The following HNRNPUL2 variants were observed in gnomAD, a reference collection of about 807,000 sequenced individuals.
HNRNPUL2 encodes heterogeneous nuclear ribonucleoprotein U-like protein 2.
A neutral mutation model predicts 102.2 loss-of-function variants in HNRNPUL2; 27 were observed. That is an observed-to-expected ratio of 0.26 (90% CI 0.19 to 0.36). The LOEUF is 0.36. HNRNPUL2 is among the 10% of genes least tolerant of loss of function. The pLI, the probability that HNRNPUL2 is intolerant of heterozygous loss-of-function variation, is 1.00. For synonymous variants in HNRNPUL2, 458 were observed against 387.2 expected, an observed-to-expected ratio of 1.18 and a Z score of -2.15; for missense variants, 936 against 981.1, an observed-to-expected ratio of 0.95 and a Z score of 0.61.
At chr11:62,720,986 C>T (rs1208118089) in intron 9 of HNRNPUL2, among the ~76,000 whole-genome samples, 1 of 151,808 alleles carries the variant, frequency 6.6e-6, no homozygotes, top group Admixed American at 6.6e-5. Context: ...TCCTGTTTTG[C>T]TCATCAGGGA....
intron 10 of HNRNPUL2, 66 bp downstream of exon 10, chr11:62,719,957 T>C (rs2083687772): frequency 6.9e-7 from 1 of 1,450,922 alleles, no homozygotes; most frequent in Non-Finnish European, 9.6e-7. Flanking sequence ...TAAACCTCTA[T>C]TACTTACAAA....
intron 4 of HNRNPUL2, 65 bp downstream of exon 4, chr11:62,723,522 C>T (rs2083720126): frequency 1.4e-6 from 2 of 1,456,780 alleles, no homozygotes; most frequent in African/African-American, 1.4e-5. Flanking sequence ...CTTCTTTTCC[C>T]CCTCTAAGAA....
intron 10 of HNRNPUL2, 132 bp downstream of exon 10, chr11:62,719,891 C>T: frequency 1.2e-6 from 1 of 801,780 alleles, no homozygotes; most frequent in Non-Finnish European, 2.0e-6. Flanking sequence ...CAAGAAGGAC[C>T]TCACCAGATG....
In HNRNPUL2 at chr11:62,727,401, G is replaced by A. The variant is rs2083767128; in HGVS notation, c.-245C>T. On this transcript the variant is annotated 5_prime_UTR_variant, in exon 1 of 14. Coordinates refer to ENST00000301785, the MANE Select transcript of HNRNPUL2 (RefSeq NM_001079559.3). The stretch of plus-strand genomic sequence containing the variant: ...GCCCAAAACAACGCAGCAGGGAGCT[G>A]TTTCCCCTCCAGGCCCTTGGTTCCC... 2 of 398,630 alleles carry A rather than the reference G, an allele frequency of 5.0e-6. No homozygotes were observed. The highest frequency in any genetic ancestry group is 2.1e-5 in the African/African-American group (1 of 47,510). The allele number at this position is 398,630 out of a possible 1,614,324, so 24.7% of individuals were successfully genotyped here. A position where few individuals can be genotyped will look rare whatever the true frequency, so the allele number is the denominator to read the frequency against.
rs2083765539 is a variant in HNRNPUL2, at chr11:62,727,325, T to C, written c.-169A>G. On this transcript the variant is annotated 5_prime_UTR_variant, in exon 1 of 14. Coordinates refer to ENST00000301785, the MANE Select transcript of HNRNPUL2 (RefSeq NM_001079559.3). ...GAGCGGAGGCCGCGCACGGTCCCGC[T>C]GCGCAGTGTTTGCTTCTCCTTCGTC... 9.5e-6 allele frequency: 8 copies of C among 846,270 alleles called. No homozygotes were observed. In the Admixed American group the frequency reaches 1.4e-4, roughly 15 times the overall value. The allele number at this position is 846,270 out of a possible 1,614,324, so 52.4% of individuals were successfully genotyped here.
Position 62,721,400 on chromosome 11 carries a change from C to G in HNRNPUL2, c.1506G>C (p.Glu502Asp). ...AAAGGTCTCGGCTTTTGGGGTCCAT[C>G]TCTGGCTCCTCGAGACCCTTCATCT... ...QMRMKGLEEPEMDPKSRDLLV... is the reference protein window; with the variant it reads ...QMRMKGLEEPDMDPKSRDLLV... The change falls in exon 9 of 14, where the codon GAG (glutamate) becomes GAC (aspartate). Residue 502 changes from glutamate to aspartate, a missense_variant. Glu to Asp is a conservative substitution (Grantham distance 45, BLOSUM62 2). Coordinates refer to ENST00000301785, the MANE Select transcript of HNRNPUL2 (RefSeq NM_001079559.3). 6.2e-7 allele frequency: 1 copy of G among 1,602,598 alleles called. No homozygotes were observed. Among genetic ancestry groups the G allele is most frequent in the Non-Finnish European group, 8.5e-7 (1 of 1,176,432 alleles).
intron 4 of HNRNPUL2, among the ~76,000 whole-genome samples, chr11:62,723,222 T>C (rs558704009): frequency 2.0e-4 from 30 of 152,332 alleles, no homozygotes; most frequent in African/African-American, 7.2e-4. Flanking sequence ...CCAGGTGCGG[T>C]AGCTCATGCC....
In HNRNPUL2 at chr11:62,716,981, A is replaced by C; in HGVS notation, c.1981+8T>G. 6.2e-7 allele frequency: 1 copy of C among 1,612,426 alleles called. No homozygotes were observed. The highest frequency in any genetic ancestry group is 1.1e-5 in the South Asian group (1 of 91,002). On this transcript the variant is annotated splice_region_variant and intron_variant, in intron 11 of 13. Transcript: ENST00000301785. ...GAAGTAGGGGGCTGGCAGGTCCCCA[A>C]GACTCACCATAGCCTTGGCCCCGGC... is the stretch of plus-strand genomic sequence containing the variant.
At chr11:62,717,462 G>T (rs1029615819) in intron 10 of HNRNPUL2, among the ~76,000 whole-genome samples, 2 of 152,210 alleles carry the variant, frequency 1.3e-5, no homozygotes, top group African/African-American at 2.4e-5. Flanking sequence ...CTGGGTTAAA[G>T]TTTCTCATCA....
intron 11 of HNRNPUL2, 68 bp downstream of exon 11, chr11:62,716,921 G>A (rs1049520266): frequency 1.3e-6 from 2 of 1,552,968 alleles, no homozygotes; most frequent in Admixed American, 1.7e-5. Context: ...GCCTTCCCTT[G>A]CACATCTTGC....
At chr11:62,718,276 G>A (rs1428127116) in intron 10 of HNRNPUL2, among the ~76,000 whole-genome samples, 1 of 152,124 alleles carries the variant, frequency 6.6e-6, no homozygotes. Context: ...ATTACTCTCT[G>A]TCTTATGTAT....
chr11:62,721,986 G>C, intron 7 of HNRNPUL2, 44 bp from the exon 8 acceptor site: 1 of 1,611,014 alleles, frequency 6.2e-7, no homozygotes, highest in Non-Finnish European at 8.5e-7. Context: ...ATAAATGAGG[G>C]TCATGTTTAT....
chr11:62,723,440 G>T (rs1036879299), intron 4 of HNRNPUL2, 147 bp downstream of exon 4: 3 of 792,502 alleles, frequency 3.8e-6, no homozygotes, highest in South Asian at 3.7e-5. Flanking sequence ...GTGGTGAGCC[G>T]AGATGGTGCC....
At chr11:62,720,732 C>T (rs1334425591) in intron 9 of HNRNPUL2, among the ~76,000 whole-genome samples, 1 of 151,012 alleles carries the variant, frequency 6.6e-6, no homozygotes, top group African/African-American at 2.4e-5. Flanking sequence ...GGCATGGTGG[C>T]GGGCACCTGT....
Position 62,715,366 on chromosome 11 carries a change from T to C in HNRNPUL2, c.2177A>G (p.Tyr726Cys), listed in dbSNP as rs747809291. The change falls in exon 14 of 14, where the codon TAC (tyrosine) becomes TGC (cysteine). Residue 726 changes from tyrosine (Y) to cysteine (C), a missense_variant. Physicochemically the swap from Tyr to Cys is radical, Grantham distance 194. Around this residue, in one of 2 missense-constraint regions of HNRNPUL2, gnomAD observed 609 missense variants for 713.0 expected, o/e 0.85. Coordinates refer to ENST00000301785, the MANE Select transcript of HNRNPUL2 (RefSeq NM_001079559.3). ...GTCTCTGTCCTGGGGGTGGTGGTAGTAGTAACTCTGCCACTAGAAGAGAGG... is the reference window on the plus strand; with the variant it reads ...GTCTCTGTCCTGGGGGTGGTGGTAGCAGTAACTCTGCCACTAGAAGAGAGG... ...RQYNRDWQSY[Y>C]YHHPQDRDRY... 2 of 1,612,934 alleles carry C rather than the reference T, an allele frequency of 1.2e-6. No individual in the cohort carries two copies. Among genetic ancestry groups the C allele is most frequent in the Non-Finnish European group, 1.7e-6 (2 of 1,179,450 alleles).
chr11:62,718,648 G>A (rs1316682992), intron 10 of HNRNPUL2, among the ~76,000 whole-genome samples: 1 of 147,394 alleles, frequency 6.8e-6, no homozygotes. Context: ...AGCCGAGATC[G>A]CGCCACTGTA....
At position 62,727,451 on chromosome 11, in the gene HNRNPUL2, G is replaced by A; in HGVS notation, c.-295C>T. ...CCAGCCGCGGGCAGGCGCGCGCGGA[G>A]GACGACGGAGTTCCTCCCGCTTCCT... On this transcript the variant is annotated 5_prime_UTR_variant, in exon 1 of 14. Coordinates refer to ENST00000301785, the MANE Select transcript of HNRNPUL2 (RefSeq NM_001079559.3). 3.6e-6 allele frequency: 1 copy of A among 277,442 alleles called. No individual in the cohort carries two copies. The highest frequency in any genetic ancestry group is 6.5e-5 in the East Asian group (1 of 15,474). 17.2% of individuals were successfully genotyped at this position (277,442 alleles called of 1,614,324 possible).
Position 62,727,290 on chromosome 11 carries a change from ACGCACGCAGGAGCGGAGGCCG to A in HNRNPUL2, c.-155_-135del, listed in dbSNP as rs915092636. 143 of 1,134,264 alleles carry A rather than the reference ACGCACGCAGGAGCGGAGGCCG, an allele frequency of 1.3e-4. No individual in the cohort carries two copies. The highest frequency in any genetic ancestry group is 1.4e-4 in the Non-Finnish European group (129 of 904,706). 70.3% of individuals were successfully genotyped at this position (1,134,264 alleles called of 1,614,324 possible). A position where few individuals can be genotyped will look rare whatever the true frequency, so the allele number is the denominator to read the frequency against. ...GCACTGAGCCCGCGCGAGCGAGCGCACGCACGCAGGAGCGGAGGCCGCGCACGGTCCCGCTGCGCAGTGTTT... is the reference window on the plus strand; with the variant it reads ...GCACTGAGCCCGCGCGAGCGAGCGCACGCACGGTCCCGCTGCGCAGTGTTT... On this transcript the variant is annotated 5_prime_UTR_variant, in exon 1 of 14. Coordinates refer to ENST00000301785, the MANE Select transcript of HNRNPUL2 (RefSeq NM_001079559.3).
intron 1 of HNRNPUL2, among the ~76,000 whole-genome samples, chr11:62,725,004 A>T (rs1014366100): frequency 6.6e-6 from 1 of 152,230 alleles, no homozygotes; most frequent in Admixed American, 6.5e-5. Flanking sequence ...AAGTTGCAAG[A>T]GCAAACCACT....
Sources: gnomAD v4.1 joint callset for allele counts (sites outside exome capture counted in the v4.1 genomes callset) on GRCh38, gnomAD v4.1.1 for gene constraint, gnomAD v4.1.1 regional missense constraint, MANE v1.5 for transcripts, NCBI Gene and HGNC (gene_info 2026-07-23, HGNC 2026-07-21) for gene names.